Variants in TMEM132D observed in about 807,000 individuals in gnomAD.
TMEM132D encodes the protein mature OL transmembrane protein.
Under a neutral mutation model 62.3 loss-of-function variants are expected in TMEM132D, and 21 were observed. That is an observed-to-expected ratio of 0.34 (90% CI 0.24 to 0.49). TMEM132D has a LOEUF of 0.49. Among genes scored for constraint, TMEM132D ranks in the 20% least tolerant of loss-of-function variants. The pLI is 0.99. For missense variants in TMEM132D, 1,346 were observed against 1,402.8 expected (o/e 0.96, Z 0.65); for synonymous variants, 621 against 575.6 (o/e 1.08, Z -1.13).
chr12:129,752,799 C>T (rs1870042394), intron 1 of TMEM132D, among the ~76,000 whole-genome samples: 1 of 152,180 alleles, frequency 6.6e-6, no homozygotes, highest in Admixed American at 6.5e-5. Flanking sequence ...AAGCTTTTGT[C>T]ATGGCTGGTG....
At chr12:129,595,981 TA>T (rs1306349575) in intron 2 of TMEM132D, among the ~76,000 whole-genome samples, 4 of 152,156 alleles carry the variant, frequency 2.6e-5, no homozygotes, top group Admixed American at 6.5e-5. Context: ...GCAGGTGTTC[TA>T]AAAAAAGGAA....
chr12:129,583,429 AT>A (rs1877934951), intron 2 of TMEM132D, among the ~76,000 whole-genome samples: 2 of 152,192 alleles, frequency 1.3e-5, no homozygotes, highest in Non-Finnish European at 2.9e-5. Context: ...AGGTACAGAA[AT>A]CTGTGCATTT....
intron 2 of TMEM132D, among the ~76,000 whole-genome samples, chr12:129,590,021 G>T (rs1593078475): frequency 1.3e-5 from 2 of 151,894 alleles, no homozygotes; most frequent in Non-Finnish European, 2.9e-5. Context: ...TTCTCTTTTA[G>T]TTACCACTTA....
At chr12:129,656,345 G>A (rs973896024) in intron 2 of TMEM132D, among the ~76,000 whole-genome samples, 3 of 152,116 alleles carry the variant, frequency 2.0e-5, no homozygotes, top group Non-Finnish European at 4.4e-5. Flanking sequence ...TGGAGGGCTT[G>A]AGGTCCCCCT....
chr12:129,820,812 C>T (rs1872523966), intron 1 of TMEM132D, among the ~76,000 whole-genome samples: 1 of 152,184 alleles, frequency 6.6e-6, no homozygotes, highest in South Asian at 2.1e-4. Context: ...TGGCCTCAAA[C>T]TCGTGGGCTC....
chr12:129,605,150 T>A (rs1878581902), intron 2 of TMEM132D, among the ~76,000 whole-genome samples: 2 of 152,182 alleles, frequency 1.3e-5, no homozygotes, highest in Admixed American at 1.3e-4. Context: ...GGTTTCAGAT[T>A]TTTTTGTCAT....
rs573591376 is a variant in TMEM132D at position 129,136,023 on chromosome 12, G to A, written c.1444-51321C>T. On this transcript the variant is annotated intron_variant, in intron 5 of 8. Transcript: ENST00000422113. ...ACCTGTGATTAGGACTTTAAAATACGAATTTTGGGGGACATAATTCAACTC... is the reference window on the plus strand; with the variant it reads ...ACCTGTGATTAGGACTTTAAAATACAAATTTTGGGGGACATAATTCAACTC... 1.3e-4 allele frequency among the ~76,000 whole-genome samples: 20 copies of A among 152,226 alleles called. No individual in the cohort carries two copies. The South Asian group carries it at 3.5e-3, about 27-fold the overall frequency.
At chr12:129,439,754 G>C (rs945393217) in intron 3 of TMEM132D, among the ~76,000 whole-genome samples, 1 of 152,076 alleles carries the variant, frequency 6.6e-6, no homozygotes, top group African/African-American at 2.4e-5. Context: ...GACTGGCCTG[G>C]AGTTTTTTTT....
intron 1 of TMEM132D, chr12:129,852,901 G>A (rs1413548846): frequency 6.6e-6 from 1 of 152,178 alleles, no homozygotes; most frequent in Non-Finnish European, 1.5e-5. Flanking sequence ...CTTTTCTGAA[G>A]CTGAATCAGG....
At chr12:129,202,374 G>C (rs1443917555) in intron 5 of TMEM132D, among the ~76,000 whole-genome samples, 1 of 152,180 alleles carries the variant, frequency 6.6e-6, no homozygotes, top group Non-Finnish European at 1.5e-5. Flanking sequence ...GTGATTCACA[G>C]AGCACCACAA....
At chr12:129,582,141 T>C (rs1161592149) in intron 2 of TMEM132D, among the ~76,000 whole-genome samples, 6 of 152,214 alleles carry the variant, frequency 3.9e-5, no homozygotes, top group African/African-American at 1.4e-4. Flanking sequence ...GTCAGAACAA[T>C]GACTTACACA....
At chr12:129,574,820 T>C (rs903229485) in intron 2 of TMEM132D, among the ~76,000 whole-genome samples, 8 of 151,466 alleles carry the variant, frequency 5.3e-5, no homozygotes, top group Non-Finnish European at 1.0e-4. Context: ...AAATGACAGG[T>C]GATGCAATAC....
chr12:129,505,007 A>G (rs1427767160), intron 3 of TMEM132D, among the ~76,000 whole-genome samples: 3 of 152,170 alleles, frequency 2.0e-5, no homozygotes, highest in Non-Finnish European at 4.4e-5. Context: ...TAATTCCCAC[A>G]TATTTGCATG....
At chr12:129,342,609 A>G (rs148090183) in intron 3 of TMEM132D, among the ~76,000 whole-genome samples, 2,259 of 152,308 alleles carry the variant, frequency 0.015, 53 homozygotes, top group African/African-American at 0.052. Flanking sequence ...TCTGCACAGT[A>G]AAAGAAACTA....
intron 3 of TMEM132D, among the ~76,000 whole-genome samples, chr12:129,498,336 C>T (rs902308253): frequency 6.6e-6 from 1 of 151,918 alleles, no homozygotes; most frequent in Non-Finnish European, 1.5e-5. Context: ...TCACTGCAAC[C>T]TCTGTCTCCT....
intron 5 of TMEM132D, among the ~76,000 whole-genome samples, chr12:129,203,890 T>C (rs1430139423): frequency 4.6e-5 from 7 of 152,146 alleles, no homozygotes; most frequent in South Asian, 2.1e-4. Flanking sequence ...ACAAAAGAAA[T>C]ATGGGCATGA....
chr12:129,323,677 G>C (rs918934155), intron 4 of TMEM132D, among the ~76,000 whole-genome samples: 1 of 152,162 alleles, frequency 6.6e-6, no homozygotes, highest in Non-Finnish European at 1.5e-5. Context: ...CCTCAATGTT[G>C]CATATCACCA....
intron 1 of TMEM132D, among the ~76,000 whole-genome samples, chr12:129,711,592 T>G (rs1484646782): frequency 1.3e-5 from 2 of 151,892 alleles, no homozygotes; most frequent in African/African-American, 4.8e-5. Context: ...CCGGGCATGG[T>G]GGCGCAGGCC....
rs1322328499 is a variant in TMEM132D, at chr12:129,072,219, G to C, written c.*1656C>G. 6.6e-6 allele frequency: 1 copy of C among 152,434 alleles called. No homozygotes were observed. 9.4% of individuals were successfully genotyped at this position (152,434 alleles called of 1,614,324 possible). ...AGATACAGAGACAGACACACAGAGA[G>C]ACTGGAAAACAGACAACTGAAGAGC... On this transcript the variant is annotated 3_prime_UTR_variant, in exon 9 of 9. Transcript: ENST00000422113.
Sources: allele counts gnomAD v4.1 joint callset (sites outside exome capture counted in the v4.1 genomes callset), GRCh38; gene constraint gnomAD v4.1.1; transcripts MANE v1.5; gene names NCBI Gene and HGNC (gene_info 2026-07-23, HGNC 2026-07-21).